STK4: variants seen among roughly 807,000 people sequenced by gnomAD.
The protein encoded by STK4 is serine/threonine-protein kinase 4.
STK4 carries 30 observed loss-of-function variants against 64.9 expected under a neutral mutation model. The ratio of observed to expected loss-of-function variants is 0.46; its 90% CI spans 0.35 to 0.63. The LOEUF is 0.63. STK4 is among the 20% of genes least tolerant of loss of function. The pLI, the probability that STK4 is intolerant of heterozygous loss-of-function variation, is 0.01. For missense variants in STK4, 466 were observed against 598.5 expected (o/e 0.78, Z 2.31); for synonymous variants, 177 against 199.0 (o/e 0.89, Z 0.93).
chr20:45,034,446 T>G (rs1488093141), intron 10 of STK4, among the ~76,000 whole-genome samples: 1 of 152,098 alleles, frequency 6.6e-6, no homozygotes, highest in Admixed American at 6.6e-5. Flanking sequence ...TTTGAAAACT[T>G]AGATAAATAG....
intron 5 of STK4, among the ~76,000 whole-genome samples, chr20:44,990,397 CT>C (rs35450262): frequency 1.1e-3 from 161 of 141,366 alleles, no homozygotes; most frequent in Non-Finnish European, 8.9e-4. Flanking sequence ...CCTTGCTGGA[CT>C]TTTTTTTTTT....
At chr20:45,006,999 A>T (rs1201370793) in intron 9 of STK4, among the ~76,000 whole-genome samples, 2 of 152,078 alleles carry the variant, frequency 1.3e-5, no homozygotes, top group Non-Finnish European at 2.9e-5. Context: ...CGCTTTTGGC[A>T]TCTGGAAGTT....
At chr20:44,995,627 AAAG>A (rs2067715933) in intron 6 of STK4, among the ~76,000 whole-genome samples, 1 of 151,724 alleles carries the variant, frequency 6.6e-6, no homozygotes, top group Non-Finnish European at 1.5e-5. Context: ...AAAAAAAAAA[AAAG>A]TTCAATGGCT....
intron 10 of STK4, among the ~76,000 whole-genome samples, chr20:45,043,427 C>T (rs912095965): frequency 1.3e-5 from 2 of 152,152 alleles, no homozygotes; most frequent in African/African-American, 4.8e-5. Context: ...AGGCTTTCAG[C>T]GTTCAAATCC....
At chr20:45,023,336 A>G (rs2068282680) in intron 9 of STK4, among the ~76,000 whole-genome samples, 1 of 152,156 alleles carries the variant, frequency 6.6e-6, no homozygotes, top group African/African-American at 2.4e-5. Context: ...AAAAATGACA[A>G]ATGTTCTGAG....
At chr20:44,970,909 G>GTGTGTA in intron 1 of STK4, among the ~76,000 whole-genome samples, 1 of 151,404 alleles carries the variant, frequency 6.6e-6, no homozygotes, top group African/African-American at 2.4e-5. Context: ...GTGTGTGTGT[G>GTGTGTA]TGTATGTGTG....
chr20:45,068,730 C>T (rs1979802426), intron 10 of STK4, among the ~76,000 whole-genome samples: 1 of 152,194 alleles, frequency 6.6e-6, no homozygotes, highest in Non-Finnish European at 1.5e-5. Context: ...CTCTTATCCT[C>T]AGTGACCTCA....
chr20:45,028,611 G>A (rs1402614268), intron 10 of STK4, among the ~76,000 whole-genome samples: 1 of 152,150 alleles, frequency 6.6e-6, no homozygotes, highest in East Asian at 1.9e-4. Context: ...ACAGATATGA[G>A]CCACTGTACC....
intron 5 of STK4, among the ~76,000 whole-genome samples, chr20:44,988,533 G>GTGTATGTATATA (rs1221720136): frequency 2.0e-5 from 2 of 101,576 alleles, no homozygotes; most frequent in African/African-American, 9.5e-5. Flanking sequence ...ATGTGTGTGT[G>GTGTATGTATATA]TATATATATA....
intron 10 of STK4, among the ~76,000 whole-genome samples, chr20:45,064,491 GAAT>G (rs1310439494): frequency 6.6e-6 from 1 of 152,052 alleles, no homozygotes; most frequent in Non-Finnish European, 1.5e-5. Context: ...AATTTGATAG[GAAT>G]AGCATTGAAT....
At chr20:45,031,301 A>G (rs2068438223) in intron 10 of STK4, among the ~76,000 whole-genome samples, 1 of 152,190 alleles carries the variant, frequency 6.6e-6, no homozygotes, top group African/African-American at 2.4e-5. Flanking sequence ...AAATAAGTAC[A>G]GAGACTGTGA....
At chr20:45,070,845 G>A (rs547057156) in intron 10 of STK4, among the ~76,000 whole-genome samples, 1 of 148,090 alleles carries the variant, frequency 6.8e-6, no homozygotes, top group South Asian at 2.1e-4. Flanking sequence ...CTGAGATCTT[G>A]CTGCTGCACT....
rs201468440 is a variant in STK4 at position 45,075,205 on chromosome 20, C to T, written c.*29C>T. 183 of 1,609,232 alleles carry T rather than the reference C, an allele frequency of 1.1e-4. 1 individual carries two copies. In the African/African-American group the frequency reaches 2.3e-3, roughly 20 times the overall value. On this transcript the variant is annotated 3_prime_UTR_variant, in exon 11 of 11. Coordinates refer to ENST00000372806, the MANE Select transcript of STK4 (RefSeq NM_006282.5). ...AGGCCAGGCTGTGAGGGCCCCAGCTCCACCCAGGCTTTGGGTGAATTCTGG... is the reference window on the plus strand; with the variant it reads ...AGGCCAGGCTGTGAGGGCCCCAGCTTCACCCAGGCTTTGGGTGAATTCTGG...
rs746056514 is a variant in STK4 at position 44,995,262 on chromosome 20, G to C, written c.693+5G>C. ...GCTGATATCCATCCAATGAGGGTAA[G>C]AAAGTGGACAGAAAGCCAGTGGGGT... On this transcript the variant is annotated splice_donor_5th_base_variant and intron_variant, in intron 6 of 10. Transcript: ENST00000372806. The C allele has an allele frequency of 3.1e-6, 5 of 1,606,892 alleles. No homozygotes were observed. The highest frequency in any genetic ancestry group is 1.1e-5 in the South Asian group (1 of 89,858).
intron 10 of STK4, among the ~76,000 whole-genome samples, chr20:45,064,415 CT>C (rs1359113072): frequency 2.0e-5 from 3 of 151,656 alleles, no homozygotes; most frequent in Non-Finnish European, 2.9e-5. Flanking sequence ...GTGTTTTGGG[CT>C]TTTAAAAAAT....
chr20:45,071,592 G>T (rs1168780261), intron 10 of STK4, among the ~76,000 whole-genome samples: 4 of 152,054 alleles, frequency 2.6e-5, no homozygotes, highest in Non-Finnish European at 1.5e-5. Flanking sequence ...AGAATCAAGG[G>T]CAACAAAACT....
intron 10 of STK4, among the ~76,000 whole-genome samples, chr20:45,043,758 A>G (rs1036324162): frequency 6.6e-6 from 1 of 152,208 alleles, no homozygotes; most frequent in African/African-American, 2.4e-5. Flanking sequence ...AAATCCTCCA[A>G]AATCCAAAGT....
chr20:45,050,176 G>T (rs2068755935), intron 10 of STK4, among the ~76,000 whole-genome samples: 2 of 152,142 alleles, frequency 1.3e-5, no homozygotes, highest in African/African-American at 4.8e-5. Context: ...TCACTCTGGG[G>T]GTGTGTGGGG....
chr20:45,041,704 A>T (rs1304951856), intron 10 of STK4, among the ~76,000 whole-genome samples: 2 of 150,898 alleles, frequency 1.3e-5, no homozygotes, highest in African/African-American at 4.9e-5. Context: ...TTTTTTAAAC[A>T]GCAAGGAGTG....
Sources: gnomAD v4.1 joint callset for allele counts (sites outside exome capture counted in the v4.1 genomes callset) on GRCh38, gnomAD v4.1.1 for gene constraint, MANE v1.5 for transcripts, NCBI Gene and HGNC (gene_info 2026-07-23, HGNC 2026-07-21) for gene names.